The following IKBKE variants were observed in gnomAD, a reference collection of about 807,000 sequenced individuals.
The protein encoded by IKBKE is inhibitor of nuclear factor kappa B kinase subunit epsilon, also known as inhibitor of nuclear factor kappa-B kinase subunit epsilon.
A neutral mutation model predicts 92.1 loss-of-function variants in IKBKE; 45 were observed. The ratio of observed to expected loss-of-function variants is 0.49; its 90% CI spans 0.38 to 0.63. IKBKE has a LOEUF of 0.63. Among genes scored for constraint, IKBKE ranks in the 20% least tolerant of loss-of-function variants. IKBKE has a pLI of 0.00. For missense variants in IKBKE, 700 were observed against 932.8 expected (o/e 0.75, Z 3.25); for synonymous variants, 374 against 380.3 (o/e 0.98, Z 0.19).
At chr1:206,483,418 CT>C (rs1665500645) in intron 13 of IKBKE, among the ~76,000 whole-genome samples, 1 of 152,210 alleles carries the variant, frequency 6.6e-6, no homozygotes, top group Non-Finnish European at 1.5e-5. Flanking sequence ...TCAGTAACGC[CT>C]TCAGCATCCG....
chr1:206,480,604 C>T, intron 13 of IKBKE, 71 bp downstream of exon 13: 1 of 1,065,896 alleles, frequency 9.4e-7, no homozygotes, highest in Non-Finnish European at 1.4e-6. Context: ...TAGATACTTC[C>T]AACAATGCAC....
Position 206,493,910 on chromosome 1 carries a change from C to T in IKBKE, c.2046-10C>T. ...GCCTCAGCCGCCTCTCCTGCCTCTG[C>T]CTTGGGCAGCATGCAAGAGCTCTGC... On this transcript the variant is annotated splice_polypyrimidine_tract_variant and intron_variant, in intron 20 of 21. Coordinates refer to ENST00000581977, the MANE Select transcript of IKBKE (RefSeq NM_014002.4). The T allele has an allele frequency of 3.7e-6, 6 of 1,613,598 alleles. No homozygotes were observed. The highest frequency in any genetic ancestry group is 5.1e-6 in the Non-Finnish European group (6 of 1,179,674).
At chr1:206,484,802 T>G (rs1665569927) in intron 13 of IKBKE, among the ~76,000 whole-genome samples, 195 bp from the exon 14 acceptor site, 1 of 152,182 alleles carries the variant, frequency 6.6e-6, no homozygotes, top group Admixed American at 6.5e-5. Context: ...TACTCAACAA[T>G]GTCACAACTT....
At position 206,473,141 on chromosome 1, in the gene IKBKE, C is replaced by T. The variant is rs185179359; in HGVS notation, c.-32-55C>T. The T allele has an allele frequency of 1.1e-3, 1,154 of 1,057,026 alleles. 3 individuals are homozygous for T. The African/African-American group carries it at 0.014, about 12-fold the overall frequency. 65.5% of individuals were successfully genotyped at this position (1,057,026 alleles called of 1,614,324 possible). A position where few individuals can be genotyped will look rare whatever the true frequency, so the allele number is the denominator to read the frequency against. ...GCACAGTTACAGGTCAGGCCACCAG[C>T]GGCCACCCTGTGCCAGGAATGGAAT... is the stretch of plus-strand genomic sequence containing the variant. On this transcript the variant is annotated intron_variant, in intron 2 of 21. Transcript: ENST00000581977.
intron 18 of IKBKE, 90 bp downstream of exon 18, chr1:206,491,839 C>A: frequency 1.1e-6 from 1 of 907,216 alleles, no homozygotes; most frequent in Non-Finnish European, 1.8e-6. Context: ...AGCCCTGAGG[C>A]AGAGGGAGGA....
At chr1:206,491,109 T>C (rs1430995144) in intron 17 of IKBKE, 3 of 570,550 alleles carry the variant, frequency 5.3e-6, no homozygotes, top group Admixed American at 3.0e-5. Context: ...TTGCAGGCTT[T>C]TTTTTTCTCT....
chr1:206,491,760 C>T lies in IKBKE; in HGVS notation c.1835+11C>T, dbSNP rs375104629. The T allele has an allele frequency of 3.8e-6, 6 of 1,597,688 alleles. No individual in the cohort carries two copies. The African/African-American group carries it at 6.7e-5, about 18-fold the overall frequency. On this transcript the variant is annotated intron_variant, in intron 18 of 21. Coordinates refer to ENST00000581977, the MANE Select transcript of IKBKE (RefSeq NM_014002.4). ...CGGCAAGAGGATGAGGTAACAGCCC[C>T]TCCTGAGCTCCTGGAGCCCAGGGCC...
chr1:206,493,421 G>A lies in IKBKE; in HGVS notation c.2045+43G>A, dbSNP rs199658425. ...AGCGGTTGTGTATCTGTGTGGAAGG[G>A]GGTTGCAGGGAGCAGAGTATGCTGA... On this transcript the variant is annotated intron_variant, in intron 20 of 21. Coordinates refer to ENST00000581977, the MANE Select transcript of IKBKE (RefSeq NM_014002.4). 2.9e-5 allele frequency: 41 copies of A among 1,424,662 alleles called. No homozygotes were observed. In the Admixed American group the frequency reaches 4.2e-4, roughly 15 times the overall value. 88.3% of individuals were successfully genotyped at this position (1,424,662 alleles called of 1,614,324 possible). A position where few individuals can be genotyped will look rare whatever the true frequency, so the allele number is the denominator to read the frequency against.
At position 206,494,438 on chromosome 1, in the gene IKBKE, C is replaced by T. The variant is rs568296611; in HGVS notation, c.2117+447C>T. Among the ~76,000 whole-genome samples the T allele has an allele frequency of 1.1e-3, 173 of 152,214 alleles. 1 individual carries two copies. The highest frequency in any genetic ancestry group is 1.8e-3 in the Admixed American group (28 of 15,280). On this transcript the variant is annotated intron_variant, in intron 21 of 21. Coordinates refer to ENST00000581977, the MANE Select transcript of IKBKE (RefSeq NM_014002.4). ...TGGCCTTGTGGGGCTCCCGTCCCTC[C>T]TGCCAATGCTCATGGGCCAGCCCGG... is the stretch of plus-strand genomic sequence containing the variant.
In IKBKE at chr1:206,476,509, A is replaced by G. The variant is rs1665070535; in HGVS notation, c.540+147A>G. The G allele has an allele frequency of 4.5e-6, 5 of 1,119,538 alleles. No homozygotes were observed. The South Asian group carries it at 7.5e-5, about 17-fold the overall frequency. 69.4% of individuals were successfully genotyped at this position (1,119,538 alleles called of 1,614,324 possible). A position where few individuals can be genotyped will look rare whatever the true frequency, so the allele number is the denominator to read the frequency against. On this transcript the variant is annotated intron_variant, in intron 6 of 21. Coordinates refer to ENST00000581977, the MANE Select transcript of IKBKE (RefSeq NM_014002.4). The surrounding 1 kb of genome is among the most constrained non-coding windows in gnomAD (Gnocchi z 5.1). ...CCCTGTACCCCAACCAGAAGAATGC[A>G]TTCTGTTCTCTAAGATGGAAAAGGT...
chr1:206,482,285 G>C (rs1004471393), intron 13 of IKBKE, among the ~76,000 whole-genome samples: 1 of 152,322 alleles, frequency 6.6e-6, no homozygotes, highest in Non-Finnish European at 1.5e-5. Context: ...AGAAGGCATA[G>C]AGGCCCTGAA....
At chr1:206,488,101 G>A (rs1553389277) in intron 16 of IKBKE, 111 bp downstream of exon 16, 16 of 769,044 alleles carry the variant, frequency 2.1e-5, no homozygotes, top group Non-Finnish European at 3.1e-5. Context: ...CTAAGTGGCC[G>A]CTAACCTCCA....
chr1:206,481,690 G>A (rs1665397751), intron 13 of IKBKE, among the ~76,000 whole-genome samples: 2 of 151,864 alleles, frequency 1.3e-5, no homozygotes, highest in Admixed American at 1.3e-4. Context: ...GACATGTGAG[G>A]GCTGATGGGA....
Position 206,476,145 on chromosome 1 carries a change from C to T in IKBKE, c.359-36C>T, listed in dbSNP as rs781861982. On this transcript the variant is annotated intron_variant, in intron 5 of 21. Coordinates refer to ENST00000581977, the MANE Select transcript of IKBKE (RefSeq NM_014002.4). The surrounding 1 kb of genome is among the most constrained non-coding windows in gnomAD (Gnocchi z 5.1). ...GCCTCAGACACTAGACTGTCCCCGA[C>T]CAGAGCCAGCTAGTGGCCTCCCCGT... is the stretch of plus-strand genomic sequence containing the variant. 6.2e-7 allele frequency: 1 copy of T among 1,609,760 alleles called. No homozygotes were observed. The highest frequency in any genetic ancestry group is 1.1e-5 in the South Asian group (1 of 90,780).
intron 21 of IKBKE, 80 bp downstream of exon 21, chr1:206,494,071 CCT>C (rs1309956520): frequency 6.6e-5 from 80 of 1,204,736 alleles, no homozygotes; most frequent in Non-Finnish European, 8.4e-5. Context: ...AGTCCCCAAG[CCT>C]GCCCATGCAG....
Position 206,494,665 on chromosome 1 carries a change from A to G in IKBKE, c.2117+674A>G, listed in dbSNP as rs145364253. 1.3e-3 allele frequency among the ~76,000 whole-genome samples: 161 copies of G among 119,880 alleles called. 1 individual carries two copies. The highest frequency in any genetic ancestry group is 3.4e-3 in the Admixed American group (28 of 8,136). The allele number at this position is 119,880 out of a possible 152,430, so 78.6% of individuals were successfully genotyped here. A position where few individuals can be genotyped will look rare whatever the true frequency, so the allele number is the denominator to read the frequency against. ...GTCACCCAGGCTGGAGTGCAGTGGT[A>G]CTGTGTCGGCTCACTGCAACCTCCA... On this transcript the variant is annotated intron_variant, in intron 21 of 21. Transcript: ENST00000581977.
intron 16 of IKBKE, among the ~76,000 whole-genome samples, chr1:206,489,369 GTATATA>G (rs368827445): frequency 0.29 from 33,957 of 119,010 alleles, 4,767 homozygotes; most frequent in South Asian, 0.39. Flanking sequence ...GTGTGTGTGT[GTATATA>G]TATATATATA....
chr1:206,480,274 G>A (rs1340466166), intron 12 of IKBKE, among the ~76,000 whole-genome samples, 161 bp downstream of exon 12: 1 of 130,350 alleles, frequency 7.7e-6, no homozygotes, highest in Non-Finnish European at 1.7e-5. Flanking sequence ...GGCAGAGAGG[G>A]GGAGGCGGGC....
chr1:206,481,137 G>C (rs1263556773), intron 13 of IKBKE, among the ~76,000 whole-genome samples: 2 of 152,198 alleles, frequency 1.3e-5, no homozygotes, highest in African/African-American at 4.8e-5. Context: ...TGGAGATGGG[G>C]AATGTGGGAA....
Sources: gnomAD v4.1 joint callset for allele counts (sites outside exome capture counted in the v4.1 genomes callset) on GRCh38, gnomAD v4.1.1 for gene constraint, Gnocchi (gnomAD v3.1) non-coding constraint, MANE v1.5 for transcripts, NCBI Gene and HGNC (gene_info 2026-07-23, HGNC 2026-07-21) for gene names.